NYAP2: variants seen among roughly 807,000 people sequenced by gnomAD.
NYAP2 encodes the protein neuronal tyrosine-phosphorylated phosphoinositide-3-kinase adapter 2.
In NYAP2, 23 loss-of-function variants were observed where a neutral mutation model predicts 50.4. That is an observed-to-expected ratio of 0.46 (90% confidence interval 0.33 to 0.65). The LOEUF is 0.65. Ranked by LOEUF, NYAP2 falls within the 30% of genes least tolerant of loss-of-function variation. NYAP2 has a pLI of 0.02. For synonymous variants in NYAP2, 394 were observed against 365.2 expected (o/e 1.08, Z -0.90); for missense variants, 885 against 861.0 (o/e 1.03, Z -0.35).
intron 4 of NYAP2, among the ~76,000 whole-genome samples, chr2:225,515,686 A>T (rs1690918229): frequency 6.6e-6 from 1 of 152,222 alleles, no homozygotes; most frequent in Non-Finnish European, 1.5e-5. Flanking sequence ...AATGTGGTTC[A>T]TAGGTTTCCT....
At chr2:225,668,062 C>T in the NYAP2 span, among the ~76,000 whole-genome samples, 26 of 152,124 alleles carry the variant, frequency 1.7e-4, no homozygotes, top group Admixed American at 3.9e-4. Context: ...ATACCCCTCC[C>T]CAGTCTGGGA....
At chr2:225,576,570 A>G (rs1692173148) in intron 4 of NYAP2, among the ~76,000 whole-genome samples, 1 of 152,240 alleles carries the variant, frequency 6.6e-6, no homozygotes, top group Non-Finnish European at 1.5e-5. Flanking sequence ...AGAATCAGCC[A>G]GTTCCAGTAT....
chr2:225,685,692 GT>G, the NYAP2 span, among the ~76,000 whole-genome samples: 1 of 152,030 alleles, frequency 6.6e-6, no homozygotes, highest in Non-Finnish European at 1.5e-5. Context: ...TCATAAAATA[GT>G]CAAAAGTCAA....
intron 3 of NYAP2, among the ~76,000 whole-genome samples, chr2:225,414,088 C>T (rs974494290): frequency 6.6e-6 from 1 of 152,174 alleles, no homozygotes; most frequent in Non-Finnish European, 1.5e-5. Context: ...TCATCACTTT[C>T]TCAGTGTTCT....
chr2:225,409,196 C>A, intron 3 of NYAP2, 95 bp downstream of exon 3: 1 of 891,326 alleles, frequency 1.1e-6, no homozygotes, highest in Non-Finnish European at 1.7e-6. Context: ...CAGAAAAGGT[C>A]TTCCAGAGTC....
At chr2:225,541,729 C>A (rs1369080308) in intron 4 of NYAP2, among the ~76,000 whole-genome samples, 1 of 152,100 alleles carries the variant, frequency 6.6e-6, no homozygotes, top group Non-Finnish European at 1.5e-5. Flanking sequence ...TAATATGATT[C>A]CTCCAGTTTT....
intron 4 of NYAP2, among the ~76,000 whole-genome samples, chr2:225,547,987 G>A (rs1207497439): frequency 6.6e-6 from 1 of 152,022 alleles, no homozygotes; most frequent in Non-Finnish European, 1.5e-5. Flanking sequence ...ATGCATTGAA[G>A]TTGGCCCTCA....
the NYAP2 span, among the ~76,000 whole-genome samples, chr2:225,691,606 A>G: frequency 2.6e-5 from 4 of 152,150 alleles, no homozygotes; most frequent in South Asian, 2.1e-4. Context: ...TGCCCACTAC[A>G]TGGGAGAAGA....
At chr2:225,658,103 C>T (rs911806815), downstream of NYAP2, among the ~76,000 whole-genome samples, 10 of 152,276 alleles carry the variant, frequency 6.6e-5, no homozygotes, top group South Asian at 1.5e-3. Flanking sequence ...GATTACACCA[C>T]ATGATGGAAA....
intron 3 of NYAP2, among the ~76,000 whole-genome samples, chr2:225,457,240 T>C (rs559785143): frequency 1.3e-5 from 2 of 152,208 alleles, no homozygotes; most frequent in African/African-American, 4.8e-5. Context: ...CTGAAACTAG[T>C]GCAGAATAGA....
chr2:225,428,192 G>C (rs148286879), intron 3 of NYAP2, among the ~76,000 whole-genome samples: 78 of 152,248 alleles, frequency 5.1e-4, no homozygotes, highest in African/African-American at 1.8e-3. Flanking sequence ...AATCAATGAA[G>C]TTTATTGTCA....
At chr2:225,619,594 C>G (rs1386559690) in intron 5 of NYAP2, among the ~76,000 whole-genome samples, 2 of 152,022 alleles carry the variant, frequency 1.3e-5, no homozygotes, top group South Asian at 2.1e-4. Flanking sequence ...CCAAGTCTTC[C>G]TAGGTGGCCC....
the NYAP2 span, among the ~76,000 whole-genome samples, chr2:225,696,664 T>C: frequency 6.6e-6 from 1 of 151,946 alleles, no homozygotes; most frequent in Non-Finnish European, 1.5e-5. Context: ...TCCTCATCTA[T>C]GCATAGGGTG....
intron 3 of NYAP2, among the ~76,000 whole-genome samples, chr2:225,474,042 C>G (rs1234558201): frequency 6.6e-6 from 1 of 152,168 alleles, no homozygotes; most frequent in Non-Finnish European, 1.5e-5. Context: ...AGCCAGTTTT[C>G]CCAGCACCAT....
chr2:225,628,504 A>G (rs1399194799), intron 6 of NYAP2, among the ~76,000 whole-genome samples: 1 of 151,610 alleles, frequency 6.6e-6, no homozygotes, highest in Non-Finnish European at 1.5e-5. Flanking sequence ...TGTATTTTTA[A>G]TAGAGACGGG....
At chr2:225,626,859 GTAAT>G in intron 5 of NYAP2, 54 bp from the exon 6 acceptor site, 1 of 1,318,176 alleles carries the variant, frequency 7.6e-7, no homozygotes, top group Non-Finnish European at 1.1e-6. Flanking sequence ...TTTTTTGAAA[GTAAT>G]TTAGGAAGAA....
At chr2:225,493,538 G>C (rs924272452) in intron 3 of NYAP2, among the ~76,000 whole-genome samples, 1 of 152,130 alleles carries the variant, frequency 6.6e-6, no homozygotes, top group African/African-American at 2.4e-5. Context: ...TTATTTTTCT[G>C]ACTGGAGATT....
intron 6 of NYAP2, among the ~76,000 whole-genome samples, chr2:225,638,222 C>CAG (rs1165606693): frequency 4.6e-4 from 57 of 125,096 alleles, no homozygotes; most frequent in Middle Eastern, 4.8e-3. Context: ...GAGAGAGAGA[C>CAG]AGAGAGAGAG....
intron 3 of NYAP2, among the ~76,000 whole-genome samples, chr2:225,417,867 A>T (rs1317244102): frequency 6.6e-6 from 1 of 152,092 alleles, no homozygotes; most frequent in Non-Finnish European, 1.5e-5. Context: ...GGTGCTTGGG[A>T]TAAGATGGTG....
Sources: gnomAD v4.1 joint callset for allele counts (sites outside exome capture counted in the v4.1 genomes callset) on GRCh38, gnomAD v4.1.1 for gene constraint, MANE v1.5 for transcripts, NCBI Gene and HGNC (gene_info 2026-07-23, HGNC 2026-07-21) for gene names.